BLTP1: variants seen among roughly 807,000 people sequenced by gnomAD.
BLTP1 encodes fragile site-associated protein.
At chr4:122,299,138 A>T in the BLTP1 span, 1 of 984,860 alleles carries the variant, frequency 1.0e-6, no homozygotes, top group African/African-American at 1.7e-5. Flanking sequence ...AGAAATGTGT[A>T]TTTTTTGGCA....
the BLTP1 span, chr4:122,192,273 A>G: frequency 0.037 from 59,169 of 1,613,142 alleles, 1,540 homozygotes; most frequent in East Asian, 0.13. Flanking sequence ...AGGAGAAATG[A>G]GCAGTGAGGA....
At chr4:122,214,498 A>C in the BLTP1 span, 4 of 942,602 alleles carry the variant, frequency 4.2e-6, no homozygotes, top group Non-Finnish European at 2.5e-6. Context: ...TGTATTTGTA[A>C]ATATTTGTGT....
chr4:122,239,413 A>G, the BLTP1 span: 1 of 949,550 alleles, frequency 1.1e-6, no homozygotes, highest in East Asian at 2.7e-5. Context: ...TTACTTGTAA[A>G]GTACATGATT....
At chr4:122,234,071 A>G in the BLTP1 span, 3 of 153,566 alleles carry the variant, frequency 2.0e-5, no homozygotes, top group African/African-American at 7.2e-5. Context: ...GTAAAAAAAA[A>G]GGAATAAAGG....
chr4:122,209,553 G>A, the BLTP1 span, among the ~76,000 whole-genome samples: 1 of 152,140 alleles, frequency 6.6e-6, no homozygotes, highest in Non-Finnish European at 1.5e-5. Flanking sequence ...GCTAAGGTAG[G>A]GGAATGGCTT....
chr4:122,312,861 G>T, the BLTP1 span: 1 of 831,978 alleles, frequency 1.2e-6, no homozygotes, highest in African/African-American at 1.8e-5. Context: ...ATTACAAAAG[G>T]ACATTAAAGA....
chr4:122,191,573 G>A, the BLTP1 span, among the ~76,000 whole-genome samples: 35 of 152,276 alleles, frequency 2.3e-4, no homozygotes, highest in African/African-American at 7.5e-4. Context: ...TATTCAAAGT[G>A]CAAGATAGAC....
the BLTP1 span, among the ~76,000 whole-genome samples, chr4:122,293,613 C>T: frequency 2.9e-5 from 4 of 138,608 alleles, no homozygotes; most frequent in East Asian, 2.2e-4. Flanking sequence ...CACTCGGGCA[C>T]GCACAGAGAC....
the BLTP1 span, chr4:122,276,636 T>C: frequency 1.9e-5 from 18 of 972,232 alleles, no homozygotes; most frequent in Non-Finnish European, 2.1e-5. Flanking sequence ...TAAACAATGG[T>C]TTTAATTATT....
At chr4:122,198,202 G>C in the BLTP1 span, 2 of 972,988 alleles carry the variant, frequency 2.1e-6, no homozygotes, top group Non-Finnish European at 2.4e-6. Context: ...ATGGCATAGT[G>C]TATCTTTTCC....
chr4:122,282,130 G>T, the BLTP1 span: 1 of 968,006 alleles, frequency 1.0e-6, no homozygotes, highest in South Asian at 4.8e-5. Flanking sequence ...CTCAAATCAG[G>T]GGTCATTTGA....
chr4:122,245,881 T>TA, the BLTP1 span, among the ~76,000 whole-genome samples: 4 of 152,154 alleles, frequency 2.6e-5, no homozygotes. Flanking sequence ...TTAGTGATCT[T>TA]AAAAAATGCC....
chr4:122,216,229 CAT>C, the BLTP1 span, among the ~76,000 whole-genome samples: 1 of 152,000 alleles, frequency 6.6e-6, no homozygotes, highest in Non-Finnish European at 1.5e-5. Flanking sequence ...CTTCTATGAA[CAT>C]GTGTGTGCAA....
chr4:122,359,277 C>CCATT, the BLTP1 span: 1 of 947,208 alleles, frequency 1.1e-6, no homozygotes, highest in South Asian at 4.9e-5. Context: ...CCTACTACAG[C>CCATT]CATTCTTTAG....
the BLTP1 span, among the ~76,000 whole-genome samples, chr4:122,342,722 A>G: frequency 6.6e-6 from 1 of 152,184 alleles, no homozygotes; most frequent in East Asian, 1.9e-4. Context: ...AAACAAATTC[A>G]AGGAAAAAGA....
the BLTP1 span, chr4:122,348,749 T>C: frequency 9.1e-6 from 13 of 1,435,278 alleles, no homozygotes; most frequent in African/African-American, 1.9e-4. Context: ...GAAATGTATT[T>C]AATCATTTTT....
chr4:122,247,318 C>T, the BLTP1 span: 5 of 1,613,214 alleles, frequency 3.1e-6, no homozygotes, highest in African/African-American at 2.7e-5. Context: ...GTTAAACATT[C>T]ATCGAGTTCA....
At chr4:122,296,440 A>G in the BLTP1 span, among the ~76,000 whole-genome samples, 1 of 152,226 alleles carries the variant, frequency 6.6e-6, no homozygotes, top group Admixed American at 6.5e-5. Context: ...ATGGAAAAAC[A>G]TTTCATGCAC....
At chr4:122,298,253 TTG>T in the BLTP1 span, 1 of 944,842 alleles carries the variant, frequency 1.1e-6, no homozygotes, top group Non-Finnish European at 1.3e-6. Flanking sequence ...TGATCACCTA[TTG>T]TGTTGTGTTT....
Sources: allele counts gnomAD v4.1 joint callset (sites outside exome capture counted in the v4.1 genomes callset), GRCh38; gene constraint gnomAD v4.1.1; transcripts MANE v1.5; gene names NCBI Gene and HGNC (gene_info 2026-07-23, HGNC 2026-07-21).